TNFSF4: variants seen among roughly 807,000 people sequenced by gnomAD.
TNFSF4 encodes TNF superfamily member 4.
In TNFSF4, 4 loss-of-function variants were observed where a neutral mutation model predicts 7.3. The observed-to-expected ratio is 0.55, with a 90% CI of 0.27 to 1.25. The LOEUF is 1.25. TNFSF4 is among the 50% of genes most tolerant of loss of function. The pLI is 0.12. For synonymous variants in TNFSF4, 76 were observed against 83.7 expected (o/e 0.91, Z 0.50); for missense variants, 181 against 208.8 (o/e 0.87, Z 0.82).
the TNFSF4 span, among the ~76,000 whole-genome samples, chr1:173,269,451 A>G: frequency 7.9e-5 from 12 of 152,150 alleles, no homozygotes; most frequent in Non-Finnish European, 1.5e-4. Context: ...ACTTAAAAGA[A>G]GCACTTTACA....
At chr1:173,363,222 T>C in the TNFSF4 span, 1 of 285,752 alleles carries the variant, frequency 3.5e-6, no homozygotes. Flanking sequence ...TTTGATTGTA[T>C]CGCCATTCTC....
the TNFSF4 span, among the ~76,000 whole-genome samples, chr1:173,307,593 A>G: frequency 6.6e-6 from 1 of 151,912 alleles, no homozygotes; most frequent in East Asian, 1.9e-4. Flanking sequence ...TCTATGTTAA[A>G]TTTTCTGAAT....
intron 1 of TNFSF4, among the ~76,000 whole-genome samples, chr1:173,194,171 A>G (rs1209555204): frequency 6.6e-6 from 1 of 152,252 alleles, no homozygotes; most frequent in Admixed American, 6.5e-5. Flanking sequence ...CTGGTGCTCA[A>G]GAAATTTTTT....
the TNFSF4 span, among the ~76,000 whole-genome samples, chr1:173,389,366 A>G: frequency 1.3e-5 from 2 of 152,218 alleles, no homozygotes; most frequent in Non-Finnish European, 2.9e-5. Context: ...AGTTCTAAAT[A>G]TGTTAAATAT....
chr1:173,322,578 C>T, the TNFSF4 span, among the ~76,000 whole-genome samples: 1 of 152,110 alleles, frequency 6.6e-6, no homozygotes, highest in African/African-American at 2.4e-5. Flanking sequence ...TGAGCTGAAG[C>T]AGGGCGAGGC....
the TNFSF4 span, among the ~76,000 whole-genome samples, chr1:173,424,742 G>T: frequency 6.6e-6 from 1 of 152,178 alleles, no homozygotes; most frequent in African/African-American, 2.4e-5. Flanking sequence ...GGAAAATGAA[G>T]TTGCAAATGT....
the TNFSF4 span, among the ~76,000 whole-genome samples, chr1:173,221,320 T>C: frequency 1.3e-5 from 2 of 152,198 alleles, no homozygotes; most frequent in Non-Finnish European, 2.9e-5. Flanking sequence ...TAAAAGCCAG[T>C]TGGCTTTTGC....
At chr1:173,408,944 T>G in the TNFSF4 span, among the ~76,000 whole-genome samples, 2 of 152,146 alleles carry the variant, frequency 1.3e-5, no homozygotes, top group African/African-American at 4.8e-5. Context: ...TTTACAAATT[T>G]TTTTAAAAAA....
Position 173,188,520 on chromosome 1 carries a change from C to T in TNFSF4, c.202+1G>A. 6.2e-7 allele frequency: 1 copy of T among 1,607,788 alleles called. No individual in the cohort carries two copies. The highest frequency in any genetic ancestry group is 1.1e-5 in the South Asian group (1 of 90,704). ...TCAATTAAACTTTTGACAATACTTA[C>T]CGGTAAATTGTACTTTGATACTTTG... On this transcript the variant is annotated splice_donor_variant, in intron 2 of 2. Coordinates refer to ENST00000281834, the MANE Select transcript of TNFSF4 (RefSeq NM_003326.5). LOFTEE classifies it high-confidence loss of function.
At chr1:173,210,855 T>C (rs1430989420), upstream of TNFSF4, among the ~76,000 whole-genome samples, 1 of 152,184 alleles carries the variant, frequency 6.6e-6, no homozygotes, top group African/African-American at 2.4e-5. Context: ...GTCAGCTCTC[T>C]AAGCCCTCCA....
the TNFSF4 span, chr1:173,362,437 T>C: frequency 1.8e-5 from 9 of 490,282 alleles, no homozygotes; most frequent in Admixed American, 7.0e-5. Context: ...CAGAGTCTTT[T>C]TGGTAGCTTT....
chr1:173,257,139 A>T, the TNFSF4 span, among the ~76,000 whole-genome samples: 162 of 152,326 alleles, frequency 1.1e-3, no homozygotes, highest in African/African-American at 3.9e-3. Context: ...CCAAGAAAGA[A>T]ACTCTTTCGT....
chr1:173,357,657 G>A, the TNFSF4 span, among the ~76,000 whole-genome samples: 4 of 151,880 alleles, frequency 2.6e-5, no homozygotes, highest in South Asian at 4.2e-4. Flanking sequence ...TCAGCCTCCC[G>A]AGTAGCTGGG....
rs192407452 is a variant in TNFSF4 at position 173,191,663 on chromosome 1, C to G, written c.154-3094G>C. Among the ~76,000 whole-genome samples, 576 of 152,330 alleles carry G rather than the reference C, an allele frequency of 3.8e-3. 7 individuals are homozygous for G. The highest frequency in any genetic ancestry group is 0.024 in the South Asian group (118 of 4,824). On this transcript the variant is annotated intron_variant, in intron 1 of 2. Transcript: ENST00000281834. ...TTGGGTAGGCAGCCTGGTAGGATGG[C>G]ACAAAGAGCATAGACTTTGGAGTCA...
At chr1:173,363,410 C>T in the TNFSF4 span, 1 of 339,302 alleles carries the variant, frequency 2.9e-6, no homozygotes, top group Admixed American at 3.4e-5. Context: ...TTCTCCCTTT[C>T]CCATATCTCT....
the TNFSF4 span, among the ~76,000 whole-genome samples, chr1:173,431,520 G>A: frequency 6.6e-6 from 1 of 152,252 alleles, no homozygotes; most frequent in African/African-American, 2.4e-5. Flanking sequence ...GCTCTCAACT[G>A]CAAAGTGCCA....
chr1:173,438,551 G>T, the TNFSF4 span, among the ~76,000 whole-genome samples: 2 of 152,082 alleles, frequency 1.3e-5, no homozygotes, highest in African/African-American at 4.8e-5. Flanking sequence ...TTACCAAGTA[G>T]AAGTATTTTT....
At chr1:173,439,840 G>T in the TNFSF4 span, among the ~76,000 whole-genome samples, 1 of 151,998 alleles carries the variant, frequency 6.6e-6, no homozygotes, top group African/African-American at 2.4e-5. Context: ...AAAATTCAGA[G>T]GCTTGGGGGG....
the TNFSF4 span, among the ~76,000 whole-genome samples, chr1:173,360,564 C>T: frequency 4.6e-5 from 7 of 152,186 alleles, no homozygotes; most frequent in African/African-American, 1.4e-4. Flanking sequence ...CAGCTTGTTG[C>T]TTTTATGACC....
Sources: allele counts gnomAD v4.1 joint callset (sites outside exome capture counted in the v4.1 genomes callset), GRCh38; gene constraint gnomAD v4.1.1; transcripts MANE v1.5; gene names NCBI Gene and HGNC (gene_info 2026-07-23, HGNC 2026-07-21).